Variants in REC114 observed in about 807,000 individuals in gnomAD.
The protein encoded by REC114 is REC114 meiotic recombination protein, also known as meiotic recombination protein REC114.
Under a neutral mutation model 31.3 loss-of-function variants are expected in REC114, and 27 were observed. The ratio of observed to expected loss-of-function variants is 0.86; its 90% CI spans 0.64 to 1.19. The LOEUF is 1.19. Ranked by LOEUF, REC114 falls within the 50% of genes most tolerant of loss-of-function variation. The pLI is 0.00. For missense variants in REC114, 344 were observed against 326.9 expected, an observed-to-expected ratio of 1.05 and a Z score of -0.40; for synonymous variants, 134 against 127.7, an observed-to-expected ratio of 1.05 and a Z score of -0.33.
intron 2 of REC114, among the ~76,000 whole-genome samples, chr15:73,536,699 T>C (rs1894161090): frequency 6.6e-6 from 1 of 152,192 alleles, no homozygotes; most frequent in African/African-American, 2.4e-5. Flanking sequence ...CAGGCTTCTT[T>C]ACTAAATCTC....
intron 1 of REC114, among the ~76,000 whole-genome samples, chr15:73,471,506 A>G (rs1378135122): frequency 6.6e-6 from 1 of 152,206 alleles, no homozygotes; most frequent in Non-Finnish European, 1.5e-5. Flanking sequence ...GAAGGTTAGG[A>G]GTTCAAGTTA....
chr15:73,459,958 A>AT (rs940571594), intron 1 of REC114, among the ~76,000 whole-genome samples: 1 of 151,638 alleles, frequency 6.6e-6, no homozygotes, highest in Non-Finnish European at 1.5e-5. Flanking sequence ...TGATATGGAA[A>AT]TTTTTTTTTC....
intron 2 of REC114, 24 bp from the exon 3 acceptor site, chr15:73,540,461 A>G: frequency 1.3e-6 from 2 of 1,577,078 alleles, no homozygotes; most frequent in Non-Finnish European, 1.7e-6. Context: ...TTCTGTTGCT[A>G]ATTTTTGCCT....
intron 1 of REC114, among the ~76,000 whole-genome samples, chr15:73,450,122 C>A (rs1892823164): frequency 1.3e-5 from 2 of 152,180 alleles, no homozygotes; most frequent in Admixed American, 6.6e-5. Flanking sequence ...ACGACAGGAT[C>A]AAATTCATGC....
chr15:73,492,093 A>G (rs564411470), intron 2 of REC114, among the ~76,000 whole-genome samples: 1 of 152,084 alleles, frequency 6.6e-6, no homozygotes. Context: ...CATTTTTTAT[A>G]TGCTTATTGG....
chr15:73,534,796 A>C (rs1359834011), intron 2 of REC114, among the ~76,000 whole-genome samples: 3 of 150,564 alleles, frequency 2.0e-5, no homozygotes, highest in South Asian at 2.1e-4. Context: ...TACTGGCAAA[A>C]CGAATCCAGC....
chr15:73,492,908 C>T (rs918507275), intron 2 of REC114, among the ~76,000 whole-genome samples: 2 of 152,080 alleles, frequency 1.3e-5, no homozygotes, highest in East Asian at 1.9e-4. Context: ...TGGATATCCT[C>T]TTTTGTGAAG....
intron 1 of REC114, among the ~76,000 whole-genome samples, chr15:73,467,675 T>G (rs1335780398): frequency 1.3e-5 from 2 of 152,216 alleles, no homozygotes; most frequent in Non-Finnish European, 2.9e-5. Flanking sequence ...TTGCATTTCT[T>G]GAAAAATTTG....
At chr15:73,520,293 A>G (rs1893918075) in intron 2 of REC114, among the ~76,000 whole-genome samples, 1 of 151,828 alleles carries the variant, frequency 6.6e-6, no homozygotes, top group African/African-American at 2.4e-5. Flanking sequence ...GTGCAGTGGC[A>G]CAGTCTTGGC....
chr15:73,538,361 TAAATAAAATATTA>T (rs1894188415), intron 2 of REC114, among the ~76,000 whole-genome samples: 2 of 151,892 alleles, frequency 1.3e-5, no homozygotes, highest in South Asian at 4.1e-4. Flanking sequence ...TATAGTTGGC[TAAATAAAATATTA>T]AAACCAATTC....
chr15:73,503,660 C>T (rs1032008580), intron 2 of REC114, among the ~76,000 whole-genome samples: 1 of 152,188 alleles, frequency 6.6e-6, no homozygotes, highest in South Asian at 2.1e-4. Flanking sequence ...GAAATGGGAT[C>T]TCATGTTTTA....
At chr15:73,551,449 T>G (rs1894391737) in intron 4 of REC114, among the ~76,000 whole-genome samples, 1 of 152,148 alleles carries the variant, frequency 6.6e-6, no homozygotes, top group Non-Finnish European at 1.5e-5. Flanking sequence ...ATTATTTTTC[T>G]TAATATTTAA....
intron 2 of REC114, among the ~76,000 whole-genome samples, chr15:73,527,075 G>A (rs1894018678): frequency 6.6e-6 from 1 of 152,004 alleles, no homozygotes; most frequent in Admixed American, 6.6e-5. Flanking sequence ...GGCTTCCAAA[G>A]TACTGGGACC....
At chr15:73,513,898 G>A (rs1347595135) in intron 2 of REC114, among the ~76,000 whole-genome samples, 11 of 151,728 alleles carry the variant, frequency 7.2e-5, no homozygotes, top group South Asian at 2.2e-4. Context: ...CTGTCTTTTT[G>A]TTTGTCTGTG....
chr15:73,445,772 G>C (rs1173433853), intron 1 of REC114, among the ~76,000 whole-genome samples: 1 of 152,012 alleles, frequency 6.6e-6, no homozygotes, highest in Admixed American at 6.6e-5. Context: ...GTCTTCTATG[G>C]GCATGGTTTG....
In REC114 at chr15:73,462,375, T is replaced by C. The variant is rs147730580; in HGVS notation, c.160-11457T>C. Among the ~76,000 whole-genome samples the C allele has an allele frequency of 2.9e-3, 441 of 152,276 alleles. 2 individuals carry two copies. Among genetic ancestry groups the C allele is most frequent in the African/African-American group, 0.01 (425 of 41,572 alleles). On this transcript the variant is annotated intron_variant, in intron 1 of 5. Transcript: ENST00000331090. ...CTGGATTATGTTAGGTGTTATGATA[T>C]TGGAATGTCTCGGTAGAATTAGGAC...
At chr15:73,453,462 G>A (rs1892878603) in intron 1 of REC114, among the ~76,000 whole-genome samples, 1 of 152,104 alleles carries the variant, frequency 6.6e-6, no homozygotes, top group African/African-American at 2.4e-5. Flanking sequence ...TAAAAAGTCA[G>A]GAAACAACAG....
intron 1 of REC114, among the ~76,000 whole-genome samples, chr15:73,450,970 G>T (rs1169719745): frequency 1.3e-5 from 2 of 152,138 alleles, no homozygotes; most frequent in African/African-American, 4.8e-5. Context: ...AGAATCTCTG[G>T]GACACCTTTA....
chr15:73,549,118 T>C (rs1894353745), intron 3 of REC114, among the ~76,000 whole-genome samples: 1 of 152,002 alleles, frequency 6.6e-6, no homozygotes, highest in Admixed American at 6.6e-5. Flanking sequence ...CAAACTCCCA[T>C]GACACAAGTT....
Sources: allele counts gnomAD v4.1 joint callset (sites outside exome capture counted in the v4.1 genomes callset), GRCh38; gene constraint gnomAD v4.1.1; transcripts MANE v1.5; gene names NCBI Gene and HGNC (gene_info 2026-07-23, HGNC 2026-07-21).